HOOK3: variants seen among roughly 807,000 people sequenced by gnomAD.
The protein encoded by HOOK3 is protein Hook homolog 3.
Under a neutral mutation model 116.3 loss-of-function variants are expected in HOOK3, and 24 were observed. The ratio of observed to expected loss-of-function variants is 0.21; its 90% CI spans 0.15 to 0.29. HOOK3 has a LOEUF of 0.29. Among genes scored for constraint, HOOK3 ranks in the 10% least tolerant of loss-of-function variants. The probability of loss-of-function intolerance (pLI) is 1.00; values close to 1 mark genes in which losing one functional copy is unlikely to be tolerated. For synonymous variants in HOOK3, 275 were observed against 283.0 expected (o/e 0.97, Z 0.28); for missense variants, 632 against 830.2 (o/e 0.76, Z 2.93).
chr8:42,955,418 A>T (rs1483482398), intron 6 of HOOK3, among the ~76,000 whole-genome samples: 1 of 152,226 alleles, frequency 6.6e-6, no homozygotes, highest in Non-Finnish European at 1.5e-5. Flanking sequence ...AGGCAGTTGT[A>T]GCTGGATTAA....
At chr8:43,008,621 T>C (rs928533203) in intron 18 of HOOK3, among the ~76,000 whole-genome samples, 9 of 147,838 alleles carry the variant, frequency 6.1e-5, no homozygotes, top group Non-Finnish European at 1.1e-4. Context: ...ACCTGGCCTA[T>C]ATTAAATTTT....
At chr8:42,911,161 G>A (rs1807420545) in intron 2 of HOOK3, among the ~76,000 whole-genome samples, 1 of 152,152 alleles carries the variant, frequency 6.6e-6, no homozygotes, top group Non-Finnish European at 1.5e-5. Context: ...TATTCTAAGA[G>A]CTGTAAGAGG....
At position 43,010,297 on chromosome 8, in the gene HOOK3, A is replaced by T; in HGVS notation, c.1739-8A>T. 1.7e-6 allele frequency: 2 copies of T among 1,143,092 alleles called. No homozygotes were observed. Among genetic ancestry groups the T allele is most frequent in the South Asian group, 4.0e-5 (2 of 49,946 alleles). 70.8% of individuals were successfully genotyped at this position (1,143,092 alleles called of 1,614,324 possible). A position where few individuals can be genotyped will look rare whatever the true frequency, so the allele number is the denominator to read the frequency against. The stretch of plus-strand genomic sequence containing the variant: ...AAATATATATATTTTACTGTGTCTC[A>T]TCTGCAGCCTTAAAAATTGAAGAAT... On this transcript the variant is annotated splice_region_variant and splice_polypyrimidine_tract_variant and intron_variant, in intron 18 of 21. Transcript: ENST00000307602.
At chr8:42,953,255 TAAAA>T (rs71231878) in intron 6 of HOOK3, among the ~76,000 whole-genome samples, 1 of 107,430 alleles carries the variant, frequency 9.3e-6, no homozygotes, top group Non-Finnish European at 2.0e-5. Flanking sequence ...GAGTTTATCC[TAAAA>T]AAAAAAAAAA....
intron 4 of HOOK3, among the ~76,000 whole-genome samples, chr8:42,933,332 A>G (rs193087322): frequency 1.3e-5 from 2 of 152,314 alleles, no homozygotes; most frequent in East Asian, 1.9e-4. Context: ...TCAGATCCCA[A>G]TCCTTTAGGC....
At chr8:42,906,443 G>A (rs1208544745) in intron 2 of HOOK3, among the ~76,000 whole-genome samples, 185 bp downstream of exon 2, 1 of 152,144 alleles carries the variant, frequency 6.6e-6, no homozygotes, top group African/African-American at 2.4e-5. Flanking sequence ...AATAAGGGCT[G>A]TGATTGTGTT....
chr8:42,988,631 G>A (rs376727852), intron 15 of HOOK3, among the ~76,000 whole-genome samples: 2 of 151,790 alleles, frequency 1.3e-5, no homozygotes, highest in East Asian at 1.9e-4. Context: ...GATCTATAAC[G>A]ATAATAACAG....
intron 5 of HOOK3, among the ~76,000 whole-genome samples, chr8:42,946,650 T>C (rs1808233123): frequency 1.3e-5 from 2 of 152,096 alleles, no homozygotes; most frequent in Non-Finnish European, 1.5e-5. Flanking sequence ...AATAGCATTA[T>C]TTTCTTGAAG....
At chr8:42,914,890 G>A (rs372441728) in intron 2 of HOOK3, among the ~76,000 whole-genome samples, 3 of 152,178 alleles carry the variant, frequency 2.0e-5, no homozygotes, top group African/African-American at 7.2e-5. Context: ...GTGGAGATGG[G>A]CGGATCACTT....
intron 21 of HOOK3, among the ~76,000 whole-genome samples, chr8:43,014,063 G>A (rs1173626694): frequency 1.3e-5 from 2 of 151,952 alleles, no homozygotes; most frequent in Admixed American, 6.6e-5. Flanking sequence ...CCAGGTGGGC[G>A]GATCACGAGG....
At chr8:42,980,387 T>A (rs78808178) in intron 13 of HOOK3, among the ~76,000 whole-genome samples, 7,208 of 152,282 alleles carry the variant, frequency 0.047, 344 homozygotes, top group African/African-American at 0.12. Context: ...CCTGTAAACC[T>A]ATAGGTTTTA....
chr8:43,012,963 T>G, intron 19 of HOOK3, 88 bp from the exon 20 acceptor site: 1 of 839,330 alleles, frequency 1.2e-6, no homozygotes, highest in African/African-American at 1.7e-5. Context: ...TTTATCCTTT[T>G]ATTTTAAAAA....
chr8:42,914,772 C>T (rs867535563), intron 2 of HOOK3, among the ~76,000 whole-genome samples: 2 of 152,212 alleles, frequency 1.3e-5, no homozygotes, highest in South Asian at 4.1e-4. Context: ...CCCTCCTCTA[C>T]TGGATCATAT....
chr8:43,002,213 T>G, intron 17 of HOOK3, 72 bp downstream of exon 17: 2 of 1,175,646 alleles, frequency 1.7e-6, no homozygotes, highest in Non-Finnish European at 2.5e-6. Context: ...GTAGTTACGG[T>G]GTGTCTGGGC....
intron 1 of HOOK3, among the ~76,000 whole-genome samples, chr8:42,903,189 C>A (rs532722693): frequency 2.0e-5 from 3 of 152,256 alleles, no homozygotes; most frequent in Admixed American, 6.5e-5. Flanking sequence ...ATCCTCTTAT[C>A]AGCTTTCCCA....
intron 8 of HOOK3, among the ~76,000 whole-genome samples, chr8:42,960,117 G>T (rs1273891080): frequency 6.6e-6 from 1 of 152,138 alleles, no homozygotes. Context: ...ATACTAATAA[G>T]ATTTCATTAT....
intron 2 of HOOK3, among the ~76,000 whole-genome samples, chr8:42,912,667 TGCCCACCACACAC>T (rs1475892071): frequency 9.2e-5 from 1 of 10,924 alleles, no homozygotes; most frequent in Non-Finnish European, 1.4e-4. Context: ...ACATCCTCCT[TGCCCACCACACAC>T]TCCTTGCCCA....
intron 21 of HOOK3, among the ~76,000 whole-genome samples, chr8:43,013,746 C>A (rs1809655975): frequency 6.6e-6 from 1 of 152,064 alleles, no homozygotes; most frequent in South Asian, 2.1e-4. Context: ...AGTGTCTTTG[C>A]AGGATGGTAT....
At chr8:42,945,394 C>A (rs1808207476) in intron 5 of HOOK3, among the ~76,000 whole-genome samples, 1 of 152,122 alleles carries the variant, frequency 6.6e-6, no homozygotes, top group Non-Finnish European at 1.5e-5. Context: ...ACTGCAACCT[C>A]CACCTCCTGG....
Sources: gnomAD v4.1 joint callset for allele counts (sites outside exome capture counted in the v4.1 genomes callset) on GRCh38, gnomAD v4.1.1 for gene constraint, MANE v1.5 for transcripts, NCBI Gene and HGNC (gene_info 2026-07-23, HGNC 2026-07-21) for gene names.